Variants in KCNH1 observed in about 807,000 individuals in gnomAD.
KCNH1 encodes potassium voltage-gated channel subfamily H member 1, also known as voltage-gated delayed rectifier potassium channel KCNH1.
Under a neutral mutation model 69.2 loss-of-function variants are expected in KCNH1, and 27 were observed. The ratio of observed to expected loss-of-function variants is 0.39; its 90% confidence interval spans 0.29 to 0.54. The LOEUF (loss-of-function observed/expected upper bound fraction) is 0.54. Among genes scored for constraint, KCNH1 ranks in the 20% least tolerant of loss-of-function variants. The pLI, the probability that KCNH1 is intolerant of heterozygous loss-of-function variation, is 0.68. For missense variants in KCNH1, 798 were observed against 1,261.6 expected (o/e 0.63, Z 5.57); for synonymous variants, 456 against 487.7 (o/e 0.93, Z 0.86).
chr1:210,805,478 C>A (rs1285668831), intron 7 of KCNH1, among the ~76,000 whole-genome samples: 1 of 152,044 alleles, frequency 6.6e-6, no homozygotes, highest in East Asian at 1.9e-4. Flanking sequence ...CTGCTTTCCA[C>A]CTGCCATCTC....
intron 7 of KCNH1, among the ~76,000 whole-genome samples, chr1:210,896,252 C>T (rs1686864187): frequency 6.6e-6 from 1 of 151,940 alleles, no homozygotes; most frequent in Admixed American, 6.6e-5. Context: ...CCATTCTAAA[C>T]CATAGGTAAG....
chr1:210,692,243 G>T (rs1681543027), intron 10 of KCNH1, among the ~76,000 whole-genome samples: 1 of 152,156 alleles, frequency 6.6e-6, no homozygotes. Context: ...AGGTGGATTG[G>T]ACATATCTAC....
intron 6 of KCNH1, among the ~76,000 whole-genome samples, chr1:210,964,489 C>T (rs919808817): frequency 6.6e-6 from 1 of 152,158 alleles, no homozygotes; most frequent in Non-Finnish European, 1.5e-5. Context: ...TGCAAATAAA[C>T]TAGAAAATCT....
At chr1:210,853,958 A>AAAAACAAAAC (rs1438408250) in intron 7 of KCNH1, among the ~76,000 whole-genome samples, 37 of 149,342 alleles carry the variant, frequency 2.5e-4, no homozygotes, top group African/African-American at 4.0e-4. Flanking sequence ...AAAAAAAAAA[A>AAAAACAAAAC]AAAAAAAAAA....
At chr1:210,862,087 T>A in intron 7 of KCNH1, 4 of 888,366 alleles carry the variant, frequency 4.5e-6, no homozygotes, top group Non-Finnish European at 7.7e-6. Context: ...ACCAGGCCAA[T>A]ACTGTGTTAT....
intron 6 of KCNH1, among the ~76,000 whole-genome samples, chr1:210,995,545 C>T (rs1689016088): frequency 6.6e-6 from 1 of 152,174 alleles, no homozygotes; most frequent in South Asian, 2.1e-4. Context: ...ATGCCTTAGG[C>T]CCAGAAAGGC....
chr1:211,017,338 C>T (rs543601040), intron 6 of KCNH1, among the ~76,000 whole-genome samples: 1 of 152,260 alleles, frequency 6.6e-6, no homozygotes, highest in East Asian at 1.9e-4. Context: ...CTTGATATCC[C>T]GGCAGGGAGC....
chr1:210,939,818 C>T (rs1353118610), intron 6 of KCNH1, among the ~76,000 whole-genome samples: 1 of 152,178 alleles, frequency 6.6e-6, no homozygotes, highest in Non-Finnish European at 1.5e-5. Context: ...ACCATTTGCC[C>T]TATAGAGTCT....
chr1:211,122,001 G>A (rs370492015), intron 1 of KCNH1, among the ~76,000 whole-genome samples: 61 of 152,172 alleles, frequency 4.0e-4, no homozygotes, highest in African/African-American at 1.3e-3. Flanking sequence ...AGCTGGACAC[G>A]GTGGCGGGCA....
chr1:210,692,147 A>ACCCAT (rs1348653653), intron 10 of KCNH1, among the ~76,000 whole-genome samples: 5 of 152,170 alleles, frequency 3.3e-5, no homozygotes, highest in African/African-American at 1.2e-4. Context: ...GACTTGTCTG[A>ACCCAT]CCCATCAGTG....
In KCNH1 at chr1:210,976,857, G is replaced by A. The variant is rs571494502; in HGVS notation, c.1032+41926C>T. 5.1e-3 allele frequency among the ~76,000 whole-genome samples: 752 copies of A among 148,354 alleles called. 8 individuals carry two copies. The highest frequency in any genetic ancestry group is 0.018 in the African/African-American group (719 of 40,394). Reference sequence around the variant, plus strand: ...ATAGGAACACTTTTACACTGTTGGTGGGACTGTAAACTAGTTCAACCATTG... The same window carrying A: ...ATAGGAACACTTTTACACTGTTGGTAGGACTGTAAACTAGTTCAACCATTG... On this transcript the variant is annotated intron_variant, in intron 6 of 10. Coordinates refer to ENST00000271751, the MANE Select transcript of KCNH1 (RefSeq NM_172362.3).
At chr1:210,859,217 G>A in intron 7 of KCNH1, 1 of 1,611,882 alleles carries the variant, frequency 6.2e-7, no homozygotes. Flanking sequence ...GAAAGAACTT[G>A]GCACAACTGG....
intron 7 of KCNH1, among the ~76,000 whole-genome samples, chr1:210,866,148 T>G (rs1686104084): frequency 6.6e-6 from 1 of 152,200 alleles, no homozygotes; most frequent in Non-Finnish European, 1.5e-5. Context: ...TTGTAAGAAC[T>G]AATGCTCTAA....
At chr1:211,064,141 CAG>C (rs1403333773) in intron 5 of KCNH1, among the ~76,000 whole-genome samples, 1 of 152,106 alleles carries the variant, frequency 6.6e-6, no homozygotes, top group Non-Finnish European at 1.5e-5. Context: ...TATCTATCAA[CAG>C]GGGATAGCTG....
intron 10 of KCNH1, among the ~76,000 whole-genome samples, chr1:210,757,385 A>G (rs1359580427): frequency 6.6e-6 from 1 of 152,176 alleles, no homozygotes; most frequent in Non-Finnish European, 1.5e-5. Context: ...CTACCCCTCT[A>G]TCAAGATCCA....
chr1:210,873,224 G>C (rs1686289132), intron 7 of KCNH1, among the ~76,000 whole-genome samples: 1 of 152,116 alleles, frequency 6.6e-6, no homozygotes, highest in Admixed American at 6.6e-5. Flanking sequence ...CCTGCTTCTT[G>C]TCTTTCAACG....
chr1:211,127,114 A>G (rs563707167), intron 1 of KCNH1, among the ~76,000 whole-genome samples: 2 of 152,306 alleles, frequency 1.3e-5, no homozygotes, highest in East Asian at 3.9e-4. Context: ...ACCCAGCATC[A>G]CAAAAGCTGT....
At chr1:210,888,372 C>T (rs1686667191) in intron 7 of KCNH1, among the ~76,000 whole-genome samples, 1 of 152,042 alleles carries the variant, frequency 6.6e-6, no homozygotes, top group Non-Finnish European at 1.5e-5. Flanking sequence ...AGAACAAAGA[C>T]ACAAGGTACC....
intron 5 of KCNH1, among the ~76,000 whole-genome samples, chr1:211,038,182 C>T (rs1689932529): frequency 6.6e-6 from 1 of 151,948 alleles, no homozygotes. Context: ...AGGATGGTCT[C>T]GATCTCCTGA....
Sources: gnomAD v4.1 joint callset for allele counts (sites outside exome capture counted in the v4.1 genomes callset) on GRCh38, gnomAD v4.1.1 for gene constraint, MANE v1.5 for transcripts, NCBI Gene and HGNC (gene_info 2026-07-23, HGNC 2026-07-21) for gene names.